Variants in NUDCD3 observed in about 807,000 individuals in gnomAD.
The protein encoded by NUDCD3 is NudC domain containing 3.
Under a neutral mutation model 39.7 loss-of-function variants are expected in NUDCD3, and 13 were observed. The ratio of observed to expected loss-of-function variants is 0.33; its 90% CI spans 0.21 to 0.52. The LOEUF is 0.52. NUDCD3 is among the 20% of genes least tolerant of loss of function. The pLI, the probability that NUDCD3 is intolerant of heterozygous loss-of-function variation, is 0.96. For missense variants in NUDCD3, 453 were observed against 458.1 expected (o/e 0.99, Z 0.10); for synonymous variants, 175 against 172.4 (o/e 1.02, Z -0.12).
intron 2 of NUDCD3, among the ~76,000 whole-genome samples, chr7:44,430,862 T>C (rs1799351187): frequency 1.3e-5 from 2 of 152,048 alleles, no homozygotes; most frequent in Non-Finnish European, 2.9e-5. Flanking sequence ...TCTGACACCC[T>C]TGCCACTACA....
intron 5 of NUDCD3, among the ~76,000 whole-genome samples, chr7:44,391,979 A>G: frequency 6.6e-6 from 1 of 152,310 alleles, no homozygotes; most frequent in East Asian, 1.9e-4. Context: ...ATGAGGCACA[A>G]ACAAAAGCCA....
intron 2 of NUDCD3, among the ~76,000 whole-genome samples, chr7:44,436,549 G>A (rs1799467038): frequency 1.3e-5 from 2 of 152,238 alleles, no homozygotes; most frequent in East Asian, 1.9e-4. Flanking sequence ...CCAGCAAAGT[G>A]GGTCATGCTA....
intron 2 of NUDCD3, among the ~76,000 whole-genome samples, chr7:44,474,200 A>C (rs1253244389): frequency 6.6e-6 from 1 of 151,736 alleles, no homozygotes; most frequent in Non-Finnish European, 1.5e-5. Flanking sequence ...AAAAAAACCA[A>C]GCTAGCATAA....
At position 44,438,005 on chromosome 7, in the gene NUDCD3, A is replaced by G. The variant is rs562604905; in HGVS notation, c.510-10302T>C. On this transcript the variant is annotated intron_variant, in intron 2 of 5. Coordinates refer to ENST00000355451, the MANE Select transcript of NUDCD3 (RefSeq NM_015332.4). Reference sequence around the variant, plus strand: ...AATTTTTTAGCAGTATTTAAGTGTGAAATATATATTTTAAAACAAAATTAG... The same window carrying G: ...AATTTTTTAGCAGTATTTAAGTGTGGAATATATATTTTAAAACAAAATTAG... Among the ~76,000 whole-genome samples, 3 of 152,258 alleles carry G rather than the reference A, an allele frequency of 2.0e-5. No individual in the cohort carries two copies. The South Asian group carries it at 6.2e-4, about 32-fold the overall frequency.
intron 2 of NUDCD3, among the ~76,000 whole-genome samples, chr7:44,451,105 T>C (rs1479646350): frequency 6.6e-6 from 1 of 152,206 alleles, no homozygotes; most frequent in African/African-American, 2.4e-5. Context: ...AATGGATGAA[T>C]GGATAAACAA....
chr7:44,485,447 G>A, intron 1 of NUDCD3, 163 bp from the exon 2 acceptor site: 1 of 600,992 alleles, frequency 1.7e-6, no homozygotes, highest in South Asian at 2.3e-5. Flanking sequence ...ACCAAAAGCT[G>A]ACAGGTAAAC....
At chr7:44,451,311 G>C (rs1799790105) in intron 2 of NUDCD3, among the ~76,000 whole-genome samples, 1 of 152,162 alleles carries the variant, frequency 6.6e-6, no homozygotes, top group Non-Finnish European at 1.5e-5. Context: ...GTAGAATGGT[G>C]GTTTCCAAAG....
At chr7:44,403,852 C>A (rs1424669510) in intron 4 of NUDCD3, among the ~76,000 whole-genome samples, 2 of 152,168 alleles carry the variant, frequency 1.3e-5, no homozygotes, top group African/African-American at 4.8e-5. Context: ...ACATGTTGTG[C>A]CTCAATTTAT....
Position 44,454,390 on chromosome 7 carries a change from A to G in NUDCD3, c.510-26687T>C, listed in dbSNP as rs556547853. Among the ~76,000 whole-genome samples, 5 of 152,318 alleles carry G rather than the reference A, an allele frequency of 3.3e-5. No individual in the cohort carries two copies. In the South Asian group the frequency reaches 8.3e-4, roughly 25 times the overall value. On this transcript the variant is annotated intron_variant, in intron 2 of 5. Coordinates refer to ENST00000355451, the MANE Select transcript of NUDCD3 (RefSeq NM_015332.4). Reference sequence around the variant, plus strand: ...TCCCATGTCAAAATAGTTGGCAAAGAGCACAAGAATAGAATGATCTCCTGG... The same window carrying G: ...TCCCATGTCAAAATAGTTGGCAAAGGGCACAAGAATAGAATGATCTCCTGG...
intron 2 of NUDCD3, among the ~76,000 whole-genome samples, chr7:44,431,084 T>C (rs1296073127): frequency 6.6e-6 from 1 of 152,194 alleles, no homozygotes; most frequent in Admixed American, 6.5e-5. Flanking sequence ...CACATTCTAT[T>C]TAAATAAGGT....
At chr7:44,401,486 G>T (rs1258183784) in intron 4 of NUDCD3, among the ~76,000 whole-genome samples, 2 of 152,212 alleles carry the variant, frequency 1.3e-5, no homozygotes, top group Non-Finnish European at 2.9e-5. Flanking sequence ...CCCTGCACGG[G>T]AGCACTATGG....
chr7:44,436,823 C>T (rs766991194), intron 2 of NUDCD3, among the ~76,000 whole-genome samples: 3 of 152,106 alleles, frequency 2.0e-5, no homozygotes. Flanking sequence ...TGTTGGTTTA[C>T]AGTTTACAAA....
chr7:44,475,791 G>A (rs369821064), intron 2 of NUDCD3, among the ~76,000 whole-genome samples: 1 of 151,498 alleles, frequency 6.6e-6, no homozygotes, highest in African/African-American at 2.4e-5. Flanking sequence ...AAGAGGAAAA[G>A]AAAGAAGGAA....
intron 5 of NUDCD3, among the ~76,000 whole-genome samples, chr7:44,389,111 T>C (rs967977325): frequency 6.6e-6 from 1 of 152,222 alleles, no homozygotes; most frequent in Non-Finnish European, 1.5e-5. Context: ...CCCCACTGAA[T>C]TGCCCTCAGA....
intron 2 of NUDCD3, among the ~76,000 whole-genome samples, chr7:44,451,657 C>T (rs1162679558): frequency 2.0e-5 from 3 of 151,846 alleles, no homozygotes; most frequent in Non-Finnish European, 4.4e-5. Context: ...AGGAGGGGGT[C>T]CGAAGAAACT....
intron 3 of NUDCD3, among the ~76,000 whole-genome samples, chr7:44,426,868 T>A (rs118091407): frequency 0.035 from 5,235 of 150,806 alleles, 131 homozygotes; most frequent in South Asian, 0.069. Flanking sequence ...TGTCCCTCCC[T>A]CCATCCCTCC....
In NUDCD3 at chr7:44,386,112, C is replaced by T; in HGVS notation, c.985G>A (p.Glu329Lys). ...KPQSHELKVH[E>K]MLKKGWDAEG... ...GCATCCCACCCCTTCTTCAGCATCTCATGGACTTTCTACAAACAGAAAATA... is the reference window on the plus strand; with the variant it reads ...GCATCCCACCCCTTCTTCAGCATCTTATGGACTTTCTACAAACAGAAAATA... Residue 329 changes from glutamate to lysine, a missense_variant, in exon 6 of 6, where the codon GAG becomes AAG. By Grantham distance (56) the Glu-to-Lys change is moderately conservative. Transcript: ENST00000355451. The T allele has an allele frequency of 6.2e-7, 1 of 1,614,180 alleles. No homozygotes were observed. The highest frequency in any genetic ancestry group is 8.5e-7 in the Non-Finnish European group (1 of 1,180,022).
chr7:44,416,557 A>C (rs1487227380), intron 3 of NUDCD3, among the ~76,000 whole-genome samples: 2 of 152,294 alleles, frequency 1.3e-5, no homozygotes, highest in South Asian at 4.1e-4. Context: ...TGGGGAAAAA[A>C]AATACTATTG....
At chr7:44,468,141 T>C in intron 2 of NUDCD3, 2 of 1,606,168 alleles carry the variant, frequency 1.2e-6, no homozygotes, top group Non-Finnish European at 1.7e-6. Context: ...GTCCACAACA[T>C]CAAGGAGCTG....
Sources: allele counts gnomAD v4.1 joint callset (sites outside exome capture counted in the v4.1 genomes callset), GRCh38; gene constraint gnomAD v4.1.1; transcripts MANE v1.5; gene names NCBI Gene and HGNC (gene_info 2026-07-23, HGNC 2026-07-21).